The following KIF13B variants were observed in gnomAD, a reference collection of about 807,000 sequenced individuals.
KIF13B encodes the protein kinesin-like protein KIF13B.
Under a neutral mutation model 222.0 loss-of-function variants are expected in KIF13B, and 127 were observed. That is an observed-to-expected ratio of 0.57 (90% CI 0.50 to 0.66). The LOEUF is 0.66. KIF13B is among the 30% of genes least tolerant of loss of function. KIF13B has a pLI of 0.00. For synonymous variants in KIF13B, 976 were observed against 919.0 expected, an observed-to-expected ratio of 1.06 and a Z score of -1.12; for missense variants, 2,173 against 2,379.0, an observed-to-expected ratio of 0.91 and a Z score of 1.80.
Position 29,231,877 on chromosome 8 carries a change from T to A in KIF13B, c.149+13469A>T, listed in dbSNP as rs568884200. On this transcript the variant is annotated intron_variant, in intron 2 of 39. Coordinates refer to ENST00000524189, the MANE Select transcript of KIF13B (RefSeq NM_015254.4). ...ATGCATTACAAATTCCACTTCCAAA[T>A]TTTTTTTTAAGAATTATAAAGAACC... Among the ~76,000 whole-genome samples, 41 of 151,864 alleles carry A rather than the reference T, an allele frequency of 2.7e-4. 1 individual carries two copies. The highest frequency in any genetic ancestry group is 9.7e-4 in the African/African-American group (40 of 41,446).
chr8:29,201,089 T>C (rs1333608696), intron 2 of KIF13B, among the ~76,000 whole-genome samples: 1 of 152,226 alleles, frequency 6.6e-6, no homozygotes, highest in African/African-American at 2.4e-5. Flanking sequence ...CTCATCGTCA[T>C]ACTTTCACCT....
intron 36 of KIF13B, among the ~76,000 whole-genome samples, chr8:29,093,820 G>C (rs1289430012): frequency 6.6e-6 from 1 of 151,982 alleles, no homozygotes; most frequent in Non-Finnish European, 1.5e-5. Flanking sequence ...AAAAAGCAAA[G>C]AGATGGCTAT....
In KIF13B at chr8:29,177,549, G is replaced by A. The variant is rs1186914076; in HGVS notation, c.750C>T (p.Ser250=). 6.2e-7 allele frequency: 1 copy of A among 1,613,566 alleles called. No individual in the cohort carries two copies. The highest frequency in any genetic ancestry group is 8.5e-7 in the Non-Finnish European group (1 of 1,179,572). Residue 250 remains serine (S), a synonymous_variant, in exon 9 of 40, where the codon AGC becomes AGT. Transcript: ENST00000524189. ...GTSGEKVGKL[S]LVDLAGSERA... ...GTTCACTGCCAGCTAAATCCACCAG[G>A]CTGAGTTTGCCCACTTTCTCTCCAG... is the stretch of plus-strand genomic sequence containing the variant.
At chr8:29,171,929 T>C (rs1318210487) in intron 10 of KIF13B, among the ~76,000 whole-genome samples, 1 of 151,218 alleles carries the variant, frequency 6.6e-6, no homozygotes, top group Non-Finnish European at 1.5e-5. Context: ...AGCTCATTTC[T>C]GTATTTTTAG....
At chr8:29,236,819 A>G (rs1479007951) in intron 2 of KIF13B, among the ~76,000 whole-genome samples, 2 of 152,202 alleles carry the variant, frequency 1.3e-5, no homozygotes, top group African/African-American at 4.8e-5. Flanking sequence ...GAAAATGTAC[A>G]ATTCTCAAAA....
chr8:29,243,655 C>CAAAA (rs879661015), intron 2 of KIF13B, among the ~76,000 whole-genome samples: 2 of 121,520 alleles, frequency 1.6e-5, no homozygotes, highest in Admixed American at 8.7e-5. Context: ...GACTCTGCCT[C>CAAAA]AAAAAAAAAA....
rs758987621 is a variant in KIF13B, at chr8:29,109,454, T to C, written c.4141A>G (p.Ser1381Gly). The change falls in exon 34 of 40, where the codon AGT becomes GGT. Residue 1381 changes from serine to glycine, a missense_variant. Ser to Gly is a moderately conservative substitution (Grantham distance 56). Coordinates refer to ENST00000524189, the MANE Select transcript of KIF13B (RefSeq NM_015254.4). ...CTCACTCTGTTCACATTTGGAGAACTGATACTCCTCCTGCTCAACTTTCCT... is the reference window on the plus strand; with the variant it reads ...CTCACTCTGTTCACATTTGGAGAACCGATACTCCTCCTGCTCAACTTTCCT... ...GKGKLSRRSI[S>G]SPNVNRLSGS... The C allele has an allele frequency of 1.9e-6, 3 of 1,613,618 alleles. No individual in the cohort carries two copies. The highest frequency in any genetic ancestry group is 1.7e-5 in the Admixed American group (1 of 60,014).
intron 2 of KIF13B, among the ~76,000 whole-genome samples, chr8:29,202,577 A>C (rs1813743598): frequency 6.6e-6 from 1 of 152,132 alleles, no homozygotes. Context: ...TCAGCCTCCC[A>C]AAGTGCTGGG....
intron 6 of KIF13B, among the ~76,000 whole-genome samples, chr8:29,182,647 T>C (rs2130290358): frequency 6.6e-6 from 1 of 150,644 alleles, no homozygotes; most frequent in South Asian, 2.1e-4. Flanking sequence ...ATAAACCCAA[T>C]AAAGGACATC....
At chr8:29,255,308 G>A (rs1816435121) in intron 1 of KIF13B, among the ~76,000 whole-genome samples, 2 of 152,118 alleles carry the variant, frequency 1.3e-5, no homozygotes, top group Admixed American at 1.3e-4. Flanking sequence ...AAAAAACTCG[G>A]AATGGATGAC....
In KIF13B at chr8:29,109,898, T is replaced by C; in HGVS notation, c.4083+20A>G. ...GCATCAGGGCCTCTGCTGCCCGCCC[T>C]ATCCATGCGGTTGGCTAACCTGGCG... On this transcript the variant is annotated intron_variant, in intron 33 of 39. Transcript: ENST00000524189. 5 of 1,611,944 alleles carry C rather than the reference T, an allele frequency of 3.1e-6. No individual in the cohort carries two copies. The highest frequency in any genetic ancestry group is 3.4e-6 in the Non-Finnish European group (4 of 1,179,164).
chr8:29,228,739 T>C (rs1815153091), intron 2 of KIF13B, among the ~76,000 whole-genome samples: 1 of 152,020 alleles, frequency 6.6e-6, no homozygotes, highest in Admixed American at 6.6e-5. Context: ...CTGTGGCTGC[T>C]TGCTAATAAA....
chr8:29,071,145 C>T lies in KIF13B; in HGVS notation c.5219-379G>A, dbSNP rs1219658121. Among the ~76,000 whole-genome samples, 1 of 152,190 alleles carries T rather than the reference C, an allele frequency of 6.6e-6. No homozygotes were observed. Among genetic ancestry groups the T allele is most frequent in the African/African-American group, 2.4e-5 (1 of 41,442 alleles). On this transcript the variant is annotated intron_variant, in intron 39 of 39. Transcript: ENST00000524189. The surrounding 1 kb of genome is among the most constrained non-coding windows in gnomAD (Gnocchi z 4.9). Reference sequence around the variant, plus strand: ...AGACCCTTCTCCATCTGGACCCAGGCCTGGGCTGGGTGGCGGGAGAATGGT... The same window carrying T: ...AGACCCTTCTCCATCTGGACCCAGGTCTGGGCTGGGTGGCGGGAGAATGGT...
intron 2 of KIF13B, among the ~76,000 whole-genome samples, chr8:29,213,205 G>A (rs1322647618): frequency 6.6e-6 from 1 of 152,154 alleles, no homozygotes; most frequent in Non-Finnish European, 1.5e-5. Context: ...TGTGCATCGT[G>A]GGGTGTGATG....
chr8:29,118,845 A>G (rs2129695615), intron 30 of KIF13B, 23 bp downstream of exon 30: 1 of 1,612,346 alleles, frequency 6.2e-7, no homozygotes, highest in Non-Finnish European at 8.5e-7. Context: ...TCATCTGACC[A>G]TCCCAAGTTA....
intron 13 of KIF13B, among the ~76,000 whole-genome samples, chr8:29,159,993 C>T (rs1811701891): frequency 6.6e-6 from 1 of 152,224 alleles, no homozygotes; most frequent in Non-Finnish European, 1.5e-5. Context: ...TGTGTGCCAA[C>T]AGTTATCAAC....
intron 1 of KIF13B, among the ~76,000 whole-genome samples, chr8:29,247,926 T>C (rs1005429926): frequency 6.8e-6 from 1 of 146,294 alleles, no homozygotes; most frequent in Non-Finnish European, 1.5e-5. Context: ...GATATAAAAA[T>C]GGCCAATAAG....
At position 29,092,854 on chromosome 8, in the gene KIF13B, T is replaced by G. The variant is rs1207504620; in HGVS notation, c.4349A>C (p.Tyr1450Ser). 1 of 1,611,702 alleles carries G rather than the reference T, an allele frequency of 6.2e-7. No individual in the cohort carries two copies. Among genetic ancestry groups the G allele is most frequent in the South Asian group, 1.1e-5 (1 of 90,472 alleles). The change falls in exon 37 of 40, where the codon TAC becomes TCC. Residue 1450 changes from tyrosine to serine, a missense_variant. Tyr to Ser is a moderately radical substitution (Grantham distance 144). This residue lies in a region of KIF13B where 693 missense variants were observed against 656.2 expected (regional missense o/e 1.06). Transcript: ENST00000524189. ...CACGAAGGATTTGACAGGATTCAAG[T>G]AGGATGCTGCAAGGTTACTGAGTCC... Reference protein sequence around the residue: ...DPGLSNLAASYLNPVKSFVPQ... With the variant: ...DPGLSNLAASSLNPVKSFVPQ...
intron 1 of KIF13B, among the ~76,000 whole-genome samples, chr8:29,246,674 G>A (rs1279042292): frequency 1.3e-5 from 2 of 151,968 alleles, no homozygotes; most frequent in Non-Finnish European, 2.9e-5. Flanking sequence ...GAAAAGGAGG[G>A]CACTCACCCT....
Sources: allele counts gnomAD v4.1 joint callset (sites outside exome capture counted in the v4.1 genomes callset), GRCh38; gene constraint gnomAD v4.1.1; regional missense constraint gnomAD v4.1.1; non-coding constraint Gnocchi (gnomAD v3.1); transcripts MANE v1.5; gene names NCBI Gene and HGNC (gene_info 2026-07-23, HGNC 2026-07-21).